ZBBX: variants seen among roughly 807,000 people sequenced by gnomAD.
ZBBX encodes zinc finger B-box domain containing.
ZBBX carries 101 observed loss-of-function variants against 108.5 expected under a neutral mutation model. The ratio of observed to expected loss-of-function variants is 0.93; its 90% confidence interval spans 0.79 to 1.10. The LOEUF (loss-of-function observed/expected upper bound fraction) is 1.10, where lower values mean the gene tolerates loss of function less well. Ranked by LOEUF, ZBBX falls within the 50% of genes least tolerant of loss-of-function variation. The pLI, the probability that ZBBX is intolerant of heterozygous loss-of-function variation, is 0.00. For synonymous variants in ZBBX, 356 were observed against 323.4 expected (o/e 1.10, Z -1.08); for missense variants, 1,009 against 941.4 (o/e 1.07, Z -0.94).
At chr3:167,306,100 T>C in intron 16 of ZBBX, 150 bp from the exon 17 acceptor site, 1 of 588,142 alleles carries the variant, frequency 1.7e-6, no homozygotes, top group Non-Finnish European at 2.8e-6. Flanking sequence ...GTTAAAATAT[T>C]TTTACTATGC....
At chr3:167,327,167 T>A (rs1737546938) in intron 11 of ZBBX, among the ~76,000 whole-genome samples, 1 of 150,910 alleles carries the variant, frequency 6.6e-6, no homozygotes, top group African/African-American at 2.4e-5. Context: ...GAAAAGTAGT[T>A]CAAAAAGAAA....
At chr3:167,402,564 T>G (rs1748457754) in intron 1 of ZBBX, among the ~76,000 whole-genome samples, 1 of 152,162 alleles carries the variant, frequency 6.6e-6, no homozygotes, top group South Asian at 2.1e-4. Context: ...TTACGAGACC[T>G]ACGTAGAGGC....
chr3:167,277,612 AC>A (rs1397717493), intron 20 of ZBBX, among the ~76,000 whole-genome samples: 1 of 152,166 alleles, frequency 6.6e-6, no homozygotes, highest in Non-Finnish European at 1.5e-5. Context: ...GTCCTGAGTG[AC>A]CTACAAAGAG....
chr3:167,309,176 T>C (rs1211725549), intron 16 of ZBBX, among the ~76,000 whole-genome samples: 1 of 152,218 alleles, frequency 6.6e-6, no homozygotes, highest in South Asian at 2.1e-4. Context: ...ACAGTGCTTA[T>C]GGGGTAAATC....
chr3:167,393,356 C>T (rs149398612), intron 1 of ZBBX, among the ~76,000 whole-genome samples: 2 of 151,924 alleles, frequency 1.3e-5, no homozygotes, highest in East Asian at 1.9e-4. Flanking sequence ...GCATCTTAAC[C>T]AATTCATGAG....
chr3:167,373,964 A>T (rs927256098), intron 2 of ZBBX, among the ~76,000 whole-genome samples, 177 bp from the exon 3 acceptor site: 1 of 152,252 alleles, frequency 6.6e-6, no homozygotes, highest in Non-Finnish European at 1.5e-5. Flanking sequence ...GAAATAGTCA[A>T]CTAAAAGTGA....
At chr3:167,398,293 G>A (rs1397252743) in intron 1 of ZBBX, among the ~76,000 whole-genome samples, 1 of 152,034 alleles carries the variant, frequency 6.6e-6, no homozygotes, top group Non-Finnish European at 1.5e-5. Flanking sequence ...GACTTTAACT[G>A]TGAAATGCAA....
chr3:167,362,795 T>C (rs1162055099), intron 6 of ZBBX, among the ~76,000 whole-genome samples: 1 of 152,032 alleles, frequency 6.6e-6, no homozygotes, highest in East Asian at 1.9e-4. Context: ...CAGAATATTA[T>C]TGTGCTATCA....
chr3:167,403,521 G>A (rs1748490508), intron 1 of ZBBX, among the ~76,000 whole-genome samples: 2 of 151,918 alleles, frequency 1.3e-5, no homozygotes, highest in Non-Finnish European at 2.9e-5. Context: ...TAAATAACAA[G>A]GTGAATATGC....
At chr3:167,321,524 T>C (rs1736442835) in intron 12 of ZBBX, among the ~76,000 whole-genome samples, 1 of 151,784 alleles carries the variant, frequency 6.6e-6, no homozygotes, top group Non-Finnish European at 1.5e-5. Context: ...CTCCAACAAC[T>C]TGCACCTCAA....
chr3:167,195,873 C>T, the ZBBX span, among the ~76,000 whole-genome samples: 42 of 152,280 alleles, frequency 2.8e-4, no homozygotes, highest in African/African-American at 8.7e-4. Flanking sequence ...CAAGTCTTCA[C>T]TTAATGTTGA....
chr3:167,252,142 C>A lies in ZBBX; in HGVS notation c.2255-9499G>T, dbSNP rs531211671. ...ACTGTTTACCTAATGTAGTTATTTT[C>A]TGTCTTATTCTCCCAGCTCCTTAAC... is the stretch of plus-strand genomic sequence containing the variant. On this transcript the variant is annotated intron_variant, in intron 20 of 21. Transcript: ENST00000675490. The A allele has an allele frequency of 1.2e-5, 15 of 1,288,940 alleles. No homozygotes were observed. In the African/African-American group the frequency reaches 2.1e-4, roughly 18 times the overall value. 79.8% of individuals were successfully genotyped at this position (1,288,940 alleles called of 1,614,324 possible). A position where few individuals can be genotyped will look rare whatever the true frequency, so the allele number is the denominator to read the frequency against.
At chr3:167,239,382 C>T (rs1720365052), downstream of ZBBX, among the ~76,000 whole-genome samples, 1 of 152,086 alleles carries the variant, frequency 6.6e-6, no homozygotes, top group Non-Finnish European at 1.5e-5. Flanking sequence ...TGAGGGCCCA[C>T]TTATACATGG....
In ZBBX at chr3:167,242,529, C is replaced by A. The variant is rs148568021; in HGVS notation, c.2369G>T (p.Gly790Val). Residue 790 changes from glycine to valine, a missense_variant, in exon 21 of 22, where the codon GGT becomes GTT. Coordinates refer to ENST00000675490, the MANE Select transcript of ZBBX (RefSeq NM_001199201.2). ...TDFLKTSHVR[G>V]PCGVEELSCS... ...CCTCAATTCCTCAACTCCACAGGGA[C>A]CCCTCACATGTGAGGTCTTAAGGAA... 8 of 1,611,448 alleles carry A rather than the reference C, an allele frequency of 5.0e-6. No homozygotes were observed. The highest frequency in any genetic ancestry group is 3.4e-6 in the Non-Finnish European group (4 of 1,178,764).
At chr3:167,351,931 T>C (rs1319464324) in intron 8 of ZBBX, among the ~76,000 whole-genome samples, 1 of 152,134 alleles carries the variant, frequency 6.6e-6, no homozygotes, top group Non-Finnish European at 1.5e-5. Flanking sequence ...TGTTCTGCCC[T>C]TCCTGGTTGC....
At chr3:167,330,908 A>AGAAGAAGAAGAAGAAGAAGAAGAAGAG (rs1738433846) in intron 10 of ZBBX, among the ~76,000 whole-genome samples, 2 of 82,790 alleles carry the variant, frequency 2.4e-5, no homozygotes, top group South Asian at 8.4e-4. Context: ...AAGAAGAAGA[A>AGAAGAAGAAGAAGAAGAAGAAGAAGAG]GAGGCATCAT....
chr3:167,215,064 A>G, the ZBBX span, among the ~76,000 whole-genome samples: 18 of 152,106 alleles, frequency 1.2e-4, no homozygotes, highest in African/African-American at 2.9e-4. Flanking sequence ...CTAACTTCGC[A>G]ACGGAAAAAA....
At chr3:167,346,651 A>G (rs1263642487) in intron 9 of ZBBX, among the ~76,000 whole-genome samples, 1 of 151,896 alleles carries the variant, frequency 6.6e-6, no homozygotes, top group Non-Finnish European at 1.5e-5. Context: ...TTCTCAAATT[A>G]GGAATGGATT....
chr3:167,365,201 A>G (rs9878131), intron 6 of ZBBX, among the ~76,000 whole-genome samples: 61,271 of 151,416 alleles, frequency 0.4, 13,539 homozygotes, highest in East Asian at 0.72. Flanking sequence ...AGATCTTTGT[A>G]GATTCCAACT....
Sources: gnomAD v4.1 joint callset for allele counts (sites outside exome capture counted in the v4.1 genomes callset) on GRCh38, gnomAD v4.1.1 for gene constraint, MANE v1.5 for transcripts, NCBI Gene and HGNC (gene_info 2026-07-23, HGNC 2026-07-21) for gene names.